The following NCKAP5 variants were observed in gnomAD, a reference collection of about 807,000 sequenced individuals.
NCKAP5 encodes the protein nck-associated protein 5.
Under a neutral mutation model 167.0 loss-of-function variants are expected in NCKAP5, and 92 were observed. The ratio of observed to expected loss-of-function variants is 0.55; its 90% CI spans 0.47 to 0.66. NCKAP5 has a LOEUF of 0.66. Among genes scored for constraint, NCKAP5 ranks in the 30% least tolerant of loss-of-function variants. The probability of loss-of-function intolerance (pLI) is 0.00; values close to 1 mark genes in which losing one functional copy is unlikely to be tolerated. For missense variants in NCKAP5, 2,378 were observed against 2,315.0 expected (o/e 1.03, Z -0.56); for synonymous variants, 891 against 877.4 (o/e 1.02, Z -0.27).
chr2:133,212,477 C>T (rs1205130634), intron 5 of NCKAP5, among the ~76,000 whole-genome samples: 1 of 152,192 alleles, frequency 6.6e-6, no homozygotes, highest in East Asian at 1.9e-4. Flanking sequence ...AAATGATTCT[C>T]ATGCCTCAGC....
the NCKAP5 span, among the ~76,000 whole-genome samples, chr2:133,609,030 C>T: frequency 3.9e-5 from 6 of 152,220 alleles, no homozygotes; most frequent in South Asian, 2.1e-4. Context: ...CCTCCTTCCA[C>T]AATTAGTTTG....
At chr2:132,834,237 C>T (rs1365139072) in intron 11 of NCKAP5, among the ~76,000 whole-genome samples, 1 of 152,156 alleles carries the variant, frequency 6.6e-6, no homozygotes. Flanking sequence ...ACTTCTGTCA[C>T]CAAAACTGAA....
chr2:132,941,399 A>C (rs1044157621), intron 8 of NCKAP5, among the ~76,000 whole-genome samples: 2 of 152,158 alleles, frequency 1.3e-5, no homozygotes, highest in Non-Finnish European at 2.9e-5. Context: ...TGGTTATGCA[A>C]TGGCCCATGC....
intron 6 of NCKAP5, among the ~76,000 whole-genome samples, chr2:133,121,040 G>C (rs2149759002): frequency 6.6e-6 from 1 of 152,154 alleles, no homozygotes; most frequent in South Asian, 2.1e-4. Context: ...ATGTCCCCTG[G>C]ATAGGCAGCG....
At chr2:133,568,784 C>T (rs550397905), upstream of NCKAP5, among the ~76,000 whole-genome samples, 1 of 152,262 alleles carries the variant, frequency 6.6e-6, no homozygotes, top group South Asian at 2.1e-4. Flanking sequence ...AAATTGTTTA[C>T]CCACCTGTTT....
intron 6 of NCKAP5, among the ~76,000 whole-genome samples, chr2:133,067,635 T>C (rs1196355484): frequency 6.6e-6 from 1 of 152,204 alleles, no homozygotes; most frequent in Non-Finnish European, 1.5e-5. Flanking sequence ...AAATAGACTG[T>C]CTTCCAGCCT....
chr2:132,766,496 A>G (rs1681506234), intron 16 of NCKAP5, among the ~76,000 whole-genome samples: 1 of 152,082 alleles, frequency 6.6e-6, no homozygotes. Flanking sequence ...TACTGGTAGT[A>G]ATGGTTAGAA....
intron 6 of NCKAP5, among the ~76,000 whole-genome samples, chr2:133,000,764 T>C (rs935141324): frequency 2.0e-5 from 3 of 152,154 alleles, no homozygotes; most frequent in Admixed American, 6.5e-5. Context: ...CATACAACTA[T>C]CCTATGCATT....
intron 16 of NCKAP5, among the ~76,000 whole-genome samples, chr2:132,749,588 C>T (rs1284489529): frequency 1.3e-5 from 2 of 152,266 alleles, no homozygotes; most frequent in East Asian, 3.9e-4. Context: ...ACTACCAAGC[C>T]GTATCCCCAG....
chr2:133,210,591 G>A (rs2150159093), intron 5 of NCKAP5, among the ~76,000 whole-genome samples: 1 of 152,096 alleles, frequency 6.6e-6, no homozygotes, highest in South Asian at 2.1e-4. Context: ...TAAATTTAAA[G>A]GATTAATAGA....
chr2:133,101,523 T>G (rs1256275792), intron 6 of NCKAP5, among the ~76,000 whole-genome samples: 2 of 148,734 alleles, frequency 1.3e-5, no homozygotes, highest in Non-Finnish European at 3.0e-5. Flanking sequence ...TATTGATTCT[T>G]CCTACCCATG....
chr2:132,809,173 G>A (rs150461234), intron 11 of NCKAP5, among the ~76,000 whole-genome samples: 8,577 of 152,096 alleles, frequency 0.056, 478 homozygotes, highest in East Asian at 0.13. Flanking sequence ...ATTGAGACTC[G>A]TTTTATGGCC....
chr2:133,467,470 T>G (rs1692690358), intron 3 of NCKAP5, among the ~76,000 whole-genome samples: 1 of 152,002 alleles, frequency 6.6e-6, no homozygotes, highest in African/African-American at 2.4e-5. Context: ...TCTAAAATTC[T>G]CTTTTTTTGT....
chr2:133,205,654 A>C (rs1409263292), intron 5 of NCKAP5, among the ~76,000 whole-genome samples: 2 of 152,182 alleles, frequency 1.3e-5, no homozygotes, highest in South Asian at 4.1e-4. Context: ...AATGCTGTGA[A>C]AACCTTCTTG....
intron 4 of NCKAP5, among the ~76,000 whole-genome samples, chr2:133,261,909 T>C (rs1229565781): frequency 2.0e-5 from 3 of 152,312 alleles, no homozygotes; most frequent in South Asian, 2.1e-4. Flanking sequence ...CCAATGCCAA[T>C]GTAATTGCTT....
chr2:133,386,661 C>T (rs1686990982), intron 3 of NCKAP5, among the ~76,000 whole-genome samples: 1 of 152,166 alleles, frequency 6.6e-6, no homozygotes, highest in African/African-American at 2.4e-5. Flanking sequence ...TAAAGTCTCC[C>T]ATTATTATCG....
chr2:132,956,529 C>A (rs967384581), intron 8 of NCKAP5, among the ~76,000 whole-genome samples: 2 of 152,204 alleles, frequency 1.3e-5, no homozygotes, highest in African/African-American at 2.4e-5. Flanking sequence ...TCATACTTCT[C>A]TCTCCCGCAT....
chr2:132,889,799 T>C (rs1293647810), intron 8 of NCKAP5, among the ~76,000 whole-genome samples: 2 of 152,092 alleles, frequency 1.3e-5, no homozygotes, highest in Non-Finnish European at 2.9e-5. Flanking sequence ...CACTATCTAA[T>C]ACCCACTGCA....
intron 12 of NCKAP5, among the ~76,000 whole-genome samples, chr2:132,795,175 A>G (rs901364158): frequency 2.0e-5 from 3 of 152,226 alleles, no homozygotes; most frequent in African/African-American, 7.2e-5. Context: ...TCAATATAAC[A>G]TTCTGATGCC....
Sources: allele counts gnomAD v4.1 joint callset (sites outside exome capture counted in the v4.1 genomes callset), GRCh38; gene constraint gnomAD v4.1.1; transcripts MANE v1.5; gene names NCBI Gene and HGNC (gene_info 2026-07-23, HGNC 2026-07-21).